Variants in GALNTL6 observed in about 807,000 individuals in gnomAD.
GALNTL6 encodes the protein polypeptide N-acetylgalactosaminyltransferase like 6, also known as polypeptide N-acetylgalactosaminyltransferase-like 6.
In GALNTL6, 46 loss-of-function variants were observed where a neutral mutation model predicts 73.7. The observed-to-expected ratio is 0.62, with a 90% confidence interval of 0.49 to 0.80. GALNTL6 has a LOEUF of 0.80. GALNTL6 is among the 30% of genes least tolerant of loss of function. The probability of loss-of-function intolerance (pLI) is 0.00; values close to 1 mark genes in which losing one functional copy is unlikely to be tolerated. For missense variants in GALNTL6, 604 were observed against 755.0 expected (o/e 0.80, Z 2.34); for synonymous variants, 259 against 263.7 (o/e 0.98, Z 0.17).
At chr4:172,771,056 A>G (rs1738733854) in intron 5 of GALNTL6, among the ~76,000 whole-genome samples, 6 of 152,214 alleles carry the variant, frequency 3.9e-5, no homozygotes, top group Non-Finnish European at 1.5e-5. Context: ...AAAACCTTAT[A>G]TATTCATAGG....
At chr4:171,835,910 T>C (rs1735082826) in intron 2 of GALNTL6, among the ~76,000 whole-genome samples, 1 of 152,028 alleles carries the variant, frequency 6.6e-6, no homozygotes, top group Non-Finnish European at 1.5e-5. Context: ...AAAAAATATT[T>C]TTTAAATGTT....
At chr4:172,899,434 A>G (rs1746505456) in intron 8 of GALNTL6, among the ~76,000 whole-genome samples, 1 of 152,160 alleles carries the variant, frequency 6.6e-6, no homozygotes, top group South Asian at 2.1e-4. Flanking sequence ...ACCTTTTTGT[A>G]GATGCATTTT....
chr4:172,974,335 C>T (rs1750715620), intron 10 of GALNTL6, among the ~76,000 whole-genome samples: 1 of 152,154 alleles, frequency 6.6e-6, no homozygotes, highest in Non-Finnish European at 1.5e-5. Context: ...TTCTCTCTCT[C>T]TCTCCCCCAT....
chr4:172,934,369 T>C (rs1474193027), intron 9 of GALNTL6, among the ~76,000 whole-genome samples: 1 of 151,966 alleles, frequency 6.6e-6, no homozygotes, highest in African/African-American at 2.4e-5. Context: ...ATCCCAAAGA[T>C]AAACCTGTTC....
At chr4:172,612,286 A>C (rs1392119584) in intron 5 of GALNTL6, among the ~76,000 whole-genome samples, 2 of 152,102 alleles carry the variant, frequency 1.3e-5, no homozygotes, top group Non-Finnish European at 2.9e-5. Context: ...AATAGATATT[A>C]TGTCAAATAT....
chr4:172,369,214 G>C (rs1742692107), intron 5 of GALNTL6, among the ~76,000 whole-genome samples: 1 of 152,100 alleles, frequency 6.6e-6, no homozygotes, highest in Admixed American at 6.5e-5. Context: ...TAGACACAGA[G>C]TGCTGACTGG....
chr4:172,127,007 G>A (rs559615689), intron 2 of GALNTL6, among the ~76,000 whole-genome samples: 7 of 152,266 alleles, frequency 4.6e-5, no homozygotes, highest in African/African-American at 1.4e-4. Flanking sequence ...CATGCCTCAA[G>A]GACAAGCTTA....
chr4:173,030,867 T>C (rs965542092), intron 12 of GALNTL6, among the ~76,000 whole-genome samples: 1 of 146,544 alleles, frequency 6.8e-6, no homozygotes, highest in Non-Finnish European at 1.5e-5. Flanking sequence ...CTGGGCATAG[T>C]GGCACAGACC....
chr4:172,271,290 T>C (rs1388186267), intron 3 of GALNTL6, among the ~76,000 whole-genome samples: 3 of 152,142 alleles, frequency 2.0e-5, no homozygotes, highest in African/African-American at 7.2e-5. Context: ...ATGTATTAAC[T>C]GCTATAGAAG....
At chr4:172,658,645 G>T (rs1326985414) in intron 5 of GALNTL6, among the ~76,000 whole-genome samples, 1 of 152,068 alleles carries the variant, frequency 6.6e-6, no homozygotes, top group Non-Finnish European at 1.5e-5. Context: ...CATCGAATTA[G>T]CCACCACTGC....
chr4:173,016,297 A>G (rs1441675921), intron 11 of GALNTL6, among the ~76,000 whole-genome samples: 2 of 152,178 alleles, frequency 1.3e-5, no homozygotes, highest in Admixed American at 1.3e-4. Flanking sequence ...GAAGAGGGCC[A>G]CCATCCTCCA....
intron 10 of GALNTL6, among the ~76,000 whole-genome samples, chr4:172,991,387 G>GT (rs1751531137): frequency 1.3e-5 from 2 of 151,594 alleles, no homozygotes; most frequent in African/African-American, 4.8e-5. Context: ...GTTAAACCCA[G>GT]TTTTTGTTTT....
rs1735502509 is a variant in GALNTL6 at position 172,189,289 on chromosome 4, TA to T, written c.139-40366del. Among the ~76,000 whole-genome samples, 6 of 152,274 alleles carry T rather than the reference TA, an allele frequency of 3.9e-5. No individual in the cohort carries two copies. In the South Asian group the frequency reaches 1.2e-3, roughly 32 times the overall value. On this transcript the variant is annotated intron_variant, in intron 2 of 12. Coordinates refer to ENST00000506823, the MANE Select transcript of GALNTL6 (RefSeq NM_001034845.3). ...AAATATCTGTATAGTTCTACTGAAATAGAATGAATAATAAGCACTAATTCTA... is the reference window on the plus strand; with the variant it reads ...AAATATCTGTATAGTTCTACTGAAATGAATGAATAATAAGCACTAATTCTA...
At chr4:172,335,553 T>A (rs745375905) in intron 4 of GALNTL6, among the ~76,000 whole-genome samples, 7 of 152,160 alleles carry the variant, frequency 4.6e-5, no homozygotes, top group Non-Finnish European at 7.3e-5. Flanking sequence ...TGGTAGAATT[T>A]GGCTGTGAAT....
intron 5 of GALNTL6, among the ~76,000 whole-genome samples, chr4:172,807,933 C>T (rs934991551): frequency 3.3e-5 from 5 of 152,202 alleles, no homozygotes; most frequent in African/African-American, 1.2e-4. Flanking sequence ...ATCAATTCTC[C>T]TGCCTCAGTC....
chr4:172,606,427 G>A (rs1181853298), intron 5 of GALNTL6, among the ~76,000 whole-genome samples: 14 of 146,096 alleles, frequency 9.6e-5, no homozygotes, highest in South Asian at 6.5e-4. Context: ...GCATTCCAGC[G>A]TGGGCAACAG....
At chr4:171,859,029 C>T (rs565414078) in intron 2 of GALNTL6, among the ~76,000 whole-genome samples, 14 of 152,030 alleles carry the variant, frequency 9.2e-5, no homozygotes, top group Non-Finnish European at 2.1e-4. Flanking sequence ...AAAAATTTTT[C>T]CATGTAAATG....
chr4:172,346,988 C>CTTTTTTTTTTTTTTTTT (rs34332250), intron 4 of GALNTL6, among the ~76,000 whole-genome samples: 3 of 114,410 alleles, frequency 2.6e-5, no homozygotes, highest in African/African-American at 6.9e-5. Context: ...TGTTTTCTTT[C>CTTTTTTTTTTTTTTTTT]TTTTTTTTTT....
chr4:172,490,444 A>G (rs1323593172), intron 5 of GALNTL6, among the ~76,000 whole-genome samples: 2 of 152,130 alleles, frequency 1.3e-5, no homozygotes, highest in Admixed American at 1.3e-4. Context: ...TTAAAGCCCT[A>G]AAGTATCTTG....
Sources: gnomAD v4.1 joint callset for allele counts (sites outside exome capture counted in the v4.1 genomes callset) on GRCh38, gnomAD v4.1.1 for gene constraint, MANE v1.5 for transcripts, NCBI Gene and HGNC (gene_info 2026-07-23, HGNC 2026-07-21) for gene names.